The following DYDC1 variants were observed in gnomAD, a reference collection of about 807,000 sequenced individuals.
DYDC1 encodes the protein DPY30 domain containing 1.
A neutral mutation model predicts 27.9 loss-of-function variants in DYDC1; 21 were observed. The observed-to-expected ratio is 0.75, with a 90% CI of 0.53 to 1.08. The LOEUF is 1.08. Ranked by LOEUF, DYDC1 falls within the 50% of genes least tolerant of loss-of-function variation. DYDC1 has a pLI of 0.00. For synonymous variants in DYDC1, 67 were observed against 65.8 expected (o/e 1.02, Z -0.09); for missense variants, 202 against 205.9 (o/e 0.98, Z 0.12).
intron 6 of DYDC1, 116 bp downstream of exon 6, chr10:80,338,351 G>A: frequency 1.4e-6 from 2 of 1,413,790 alleles, no homozygotes; most frequent in Admixed American, 3.2e-5. Context: ...TGAAGCAAAA[G>A]GCCTATTTGC....
At chr10:80,343,790 A>T (rs149001689) in intron 3 of DYDC1, among the ~76,000 whole-genome samples, 44 of 152,312 alleles carry the variant, frequency 2.9e-4, no homozygotes, top group African/African-American at 1.0e-3. Flanking sequence ...AGCACTCATC[A>T]CAATAGTCCC....
chr10:80,336,175 T>C lies in DYDC1; in HGVS notation c.515A>G (p.Asn172Ser). Reference sequence around the variant, plus strand: ...TTGGTCCTACAAATCTTGATCAATGTTTAATGCAATCTAAAAGCAAAACAA... The same window carrying C: ...TTGGTCCTACAAATCTTGATCAATGCTTAATGCAATCTAAAAGCAAAACAA... ...DEPMFSDIAL[N>S]IDQDL The change falls in exon 7 of 7, where the codon AAC becomes AGC. Residue 172 changes from asparagine to serine, a missense_variant. Physicochemically the swap from Asn to Ser is conservative, Grantham distance 46 (BLOSUM62 1). Transcript: ENST00000372202. The C allele has an allele frequency of 6.4e-7, 1 of 1,565,290 alleles. No homozygotes were observed. Among genetic ancestry groups the C allele is most frequent in the Non-Finnish European group, 8.7e-7 (1 of 1,152,028 alleles).
At chr10:80,345,081 G>A (rs1024973593) in intron 3 of DYDC1, among the ~76,000 whole-genome samples, 1 of 152,110 alleles carries the variant, frequency 6.6e-6, no homozygotes, top group Non-Finnish European at 1.5e-5. Flanking sequence ...AAGCCGGGAA[G>A]TGTTCATCAT....
At position 80,347,276 on chromosome 10, in the gene DYDC1, C is replaced by CTTTTTTTTTT. The variant is rs556362145; in HGVS notation, c.249+4615_249+4624dup. ...CTTTGCCCATTTTTTAATTGGGATCCTTTTTTTTTTTTTTTTTTTTTTTTT... is the reference window on the plus strand; with the variant it reads ...CTTTGCCCATTTTTTAATTGGGATCCTTTTTTTTTTTTTTTTTTTTTTTTTTTTTTTTTTT... On this transcript the variant is annotated intron_variant, in intron 3 of 6. Transcript: ENST00000372202. Among the ~76,000 whole-genome samples the CTTTTTTTTTT allele has an allele frequency of 2.2e-4, 20 of 90,114 alleles. 6 individuals carry two copies. The highest frequency in any genetic ancestry group is 4.8e-4 in the African/African-American group (11 of 22,842). The allele number at this position is 90,114 out of a possible 152,430, so 59.1% of individuals were successfully genotyped here. A position where few individuals can be genotyped will look rare whatever the true frequency, so the allele number is the denominator to read the frequency against.
intron 3 of DYDC1, among the ~76,000 whole-genome samples, chr10:80,345,325 G>A (rs57342950): frequency 0.17 from 26,236 of 152,070 alleles, 2,562 homozygotes; most frequent in South Asian, 0.44. Context: ...TTTTTATTGT[G>A]TAAATTGAAG....
At chr10:80,340,119 A>C (rs1842269033) in intron 4 of DYDC1, among the ~76,000 whole-genome samples, 1 of 152,216 alleles carries the variant, frequency 6.6e-6, no homozygotes, top group South Asian at 2.1e-4. Flanking sequence ...AAAGCAGCCC[A>C]TAGTGAAAGA....
chr10:80,350,083 T>C (rs1384916827), intron 3 of DYDC1, among the ~76,000 whole-genome samples: 1 of 152,120 alleles, frequency 6.6e-6, no homozygotes, highest in Non-Finnish European at 1.5e-5. Context: ...TCTCAAGCCT[T>C]TCTCTGTTGA....
downstream of DYDC1, chr10:80,336,015 T>G: frequency 1.6e-6 from 1 of 616,662 alleles, no homozygotes; most frequent in Non-Finnish European, 2.8e-6. Flanking sequence ...TTGAGGCTAC[T>G]CTTGAAGCCC....
chr10:80,336,175 T>G lies in DYDC1; in HGVS notation c.515A>C (p.Asn172Thr). Residue 172 changes from asparagine to threonine, a missense_variant, in exon 7 of 7, where the codon AAC becomes ACC. Coordinates refer to ENST00000372202, the MANE Select transcript of DYDC1 (RefSeq NM_001269053.2). Reference protein sequence around the residue: ...DEPMFSDIALNIDQDL With the variant: ...DEPMFSDIALTIDQDL ...TTGGTCCTACAAATCTTGATCAATG[T>G]TTAATGCAATCTAAAAGCAAAACAA... is the stretch of plus-strand genomic sequence containing the variant. 6.4e-7 allele frequency: 1 copy of G among 1,565,290 alleles called. No individual in the cohort carries two copies. The highest frequency in any genetic ancestry group is 1.4e-5 in the African/African-American group (1 of 72,640).
chr10:80,338,176 C>A, intron 6 of DYDC1: 1 of 985,358 alleles, frequency 1.0e-6, no homozygotes, highest in Non-Finnish European at 1.2e-6. Flanking sequence ...CCCCCCACAC[C>A]AAATTTAAAG....
intron 4 of DYDC1, among the ~76,000 whole-genome samples, chr10:80,339,722 T>C (rs1842256452): frequency 6.6e-6 from 1 of 152,222 alleles, no homozygotes; most frequent in South Asian, 2.1e-4. Context: ...ATCTACCTTT[T>C]CATTCTAAAG....
At chr10:80,338,131 G>A (rs911532036) in intron 6 of DYDC1, 46 of 985,254 alleles carry the variant, frequency 4.7e-5, no homozygotes, top group Non-Finnish European at 5.4e-5. Context: ...GCATTAATTT[G>A]GTTCCAGGGT....
At position 80,352,042 on chromosome 10, in the gene DYDC1, G is replaced by A. The variant is rs372401073; in HGVS notation, c.148-40C>T. On this transcript the variant is annotated intron_variant, in intron 2 of 6. Coordinates refer to ENST00000372202, the MANE Select transcript of DYDC1 (RefSeq NM_001269053.2). ...AAACAACAGCACACGACTTCTTAGCGAGAAAGCAATTTGTAAAAGCAATCT... is the reference window on the plus strand; with the variant it reads ...AAACAACAGCACACGACTTCTTAGCAAGAAAGCAATTTGTAAAAGCAATCT... 2.3e-5 allele frequency: 37 copies of A among 1,592,020 alleles called. No homozygotes were observed. In the East Asian group the frequency reaches 2.7e-4, roughly 12 times the overall value.
intron 4 of DYDC1, among the ~76,000 whole-genome samples, chr10:80,339,523 T>G (rs1842247124): frequency 6.6e-6 from 1 of 152,170 alleles, no homozygotes. Flanking sequence ...AGTAGAGTTT[T>G]GCACATACCG....
At chr10:80,344,407 T>G (rs1842489917) in intron 3 of DYDC1, among the ~76,000 whole-genome samples, 1 of 152,226 alleles carries the variant, frequency 6.6e-6, no homozygotes, top group Non-Finnish European at 1.5e-5. Flanking sequence ...ACAAGGCACA[T>G]GATTCTGAGT....
At chr10:80,352,353 T>C (rs1207312163) in intron 2 of DYDC1, 102 bp downstream of exon 2, 5 of 1,353,478 alleles carry the variant, frequency 3.7e-6, no homozygotes, top group Non-Finnish European at 3.8e-6. Flanking sequence ...TAATAAACAT[T>C]ATTTTTATAA....
intron 3 of DYDC1, among the ~76,000 whole-genome samples, chr10:80,343,692 G>A (rs1033843595): frequency 3.3e-5 from 5 of 151,950 alleles, no homozygotes; most frequent in African/African-American, 1.2e-4. Flanking sequence ...GTATTATTTT[G>A]TCATCAAATT....
intron 1 of DYDC1, among the ~76,000 whole-genome samples, chr10:80,355,594 T>C (rs1843316092): frequency 6.6e-6 from 1 of 152,112 alleles, no homozygotes; most frequent in Non-Finnish European, 1.5e-5. Context: ...GTTCATCAAA[T>C]TGGGGATTAA....
Position 80,356,709 on chromosome 10 carries a change from C to CA in DYDC1, c.-10+2dup. On this transcript the variant is annotated splice_region_variant and intron_variant, in intron 1 of 6. Transcript: ENST00000372202. ...ACAGTTCGGGCCTTTCCGGTGCGCT[C>CA]ACCCCTACACACGCGCCTGCTCGCC... 1 of 984,178 alleles carries CA rather than the reference C, an allele frequency of 1.0e-6. No individual in the cohort carries two copies. The highest frequency in any genetic ancestry group is 1.2e-6 in the Non-Finnish European group (1 of 828,776). The allele number at this position is 984,178 out of a possible 1,614,324, so 61.0% of individuals were successfully genotyped here. A position where few individuals can be genotyped will look rare whatever the true frequency, so the allele number is the denominator to read the frequency against.
Sources: allele counts gnomAD v4.1 joint callset (sites outside exome capture counted in the v4.1 genomes callset), GRCh38; gene constraint gnomAD v4.1.1; transcripts MANE v1.5; gene names NCBI Gene and HGNC (gene_info 2026-07-23, HGNC 2026-07-21).